KCNH2: variants seen among roughly 807,000 people sequenced by gnomAD.
The protein encoded by KCNH2 is voltage-gated inwardly rectifying potassium channel KCNH2.
Under a neutral mutation model 95.9 loss-of-function variants are expected in KCNH2, and 35 were observed. That is an observed-to-expected ratio of 0.37 (90% CI 0.28 to 0.48). The LOEUF (loss-of-function observed/expected upper bound fraction) is 0.48, where lower values mean the gene tolerates loss of function less well. Ranked by LOEUF, KCNH2 falls within the 20% of genes least tolerant of loss-of-function variation. KCNH2 has a pLI of 0.99. For synonymous variants in KCNH2, 786 were observed against 754.7 expected, an observed-to-expected ratio of 1.04 and a Z score of -0.68; for missense variants, 1,274 against 1,702.9, an observed-to-expected ratio of 0.75 and a Z score of 4.43.
intron 1 of KCNH2, among the ~76,000 whole-genome samples, chr7:150,976,600 G>C (rs1801985436): frequency 6.6e-6 from 1 of 152,100 alleles, no homozygotes; most frequent in Non-Finnish European, 1.5e-5. Flanking sequence ...CCTTCACTGA[G>C]ATCCTGGAAT....
At chr7:150,974,627 A>AAC in intron 2 of KCNH2, 84 bp downstream of exon 2, 1 of 346,194 alleles carries the variant, frequency 2.9e-6, no homozygotes. Flanking sequence ...ACACCCCCAC[A>AAC]CCCCCACGCA....
At chr7:150,964,137 G>T (rs982486989) in intron 2 of KCNH2, among the ~76,000 whole-genome samples, 1 of 152,192 alleles carries the variant, frequency 6.6e-6, no homozygotes, top group African/African-American at 2.4e-5. Context: ...TATCTCCCAT[G>T]TCAGCACCAG....
chr7:150,954,645 C>A (rs1177873649), intron 5 of KCNH2, among the ~76,000 whole-genome samples: 1 of 152,220 alleles, frequency 6.6e-6, no homozygotes. Flanking sequence ...CTGTACCTGT[C>A]CCCCAGCTGG....
intron 2 of KCNH2, among the ~76,000 whole-genome samples, chr7:150,969,819 T>C (rs766968132): frequency 6.6e-6 from 1 of 152,072 alleles, no homozygotes; most frequent in Admixed American, 6.6e-5. Flanking sequence ...TCCCAAGGTG[T>C]TTCTCATCCT....
intron 1 of KCNH2, among the ~76,000 whole-genome samples, chr7:150,976,909 A>G (rs1236995799): frequency 6.7e-6 from 1 of 149,948 alleles, no homozygotes; most frequent in Non-Finnish European, 1.5e-5. Flanking sequence ...TCCCCCAACC[A>G]CCGTTACAAG....
At chr7:150,966,470 G>C (rs1698800391) in intron 2 of KCNH2, among the ~76,000 whole-genome samples, 1 of 138,606 alleles carries the variant, frequency 7.2e-6, no homozygotes, top group Non-Finnish European at 1.5e-5. Flanking sequence ...CAGAAAGTCA[G>C]GTGGAACATT....
At chr7:150,964,813 G>C (rs1372062780) in intron 2 of KCNH2, among the ~76,000 whole-genome samples, 1 of 152,212 alleles carries the variant, frequency 6.6e-6, no homozygotes, top group Non-Finnish European at 1.5e-5. Context: ...GGCTGTCTCC[G>C]GAGCAGCAGC....
At chr7:150,965,664 C>T (rs1801684015) in intron 2 of KCNH2, among the ~76,000 whole-genome samples, 1 of 152,162 alleles carries the variant, frequency 6.6e-6, no homozygotes, top group Non-Finnish European at 1.5e-5. Context: ...GTCTGACCCA[C>T]ATGGACGCTG....
At chr7:150,951,870 G>A in intron 6 of KCNH2, 35 bp from the exon 7 acceptor site, 1 of 1,524,524 alleles carries the variant, frequency 6.6e-7, no homozygotes, top group Non-Finnish European at 8.8e-7. Context: ...TCCGTTGATG[G>A]GGCAAGGGGG....
chr7:150,969,437 C>T (rs935345272), intron 2 of KCNH2, among the ~76,000 whole-genome samples: 2 of 142,682 alleles, frequency 1.4e-5, no homozygotes, highest in African/African-American at 5.4e-5. Flanking sequence ...TGTCCCCCCA[C>T]CCCATCCTCC....
Position 150,947,611 on chromosome 7 carries a change from A to T in KCNH2, c.2960T>A (p.Leu987Gln). The change falls in exon 12 of 15, where the codon CTG becomes CAG. Residue 987 changes from leucine (L) to glutamine (Q), a missense_variant. Transcript: ENST00000262186. ...CCGCCCGTCGCCCGGGATACCTGAC[A>T]GGGGGTTGCAAGTGTCGCTGCTCTT... ...CEKSSDTCNP[L>Q]SGAFSGVSNI... 1 of 1,612,666 alleles carries T rather than the reference A, an allele frequency of 6.2e-7. No individual in the cohort carries two copies. Among genetic ancestry groups the T allele is most frequent in the Non-Finnish European group, 8.5e-7 (1 of 1,179,548 alleles).
At chr7:150,950,849 G>A in intron 8 of KCNH2, 72 bp downstream of exon 8, 1 of 1,478,790 alleles carries the variant, frequency 6.8e-7, no homozygotes, top group South Asian at 1.1e-5. Context: ...TGTTTGCTGT[G>A]CCAAGAGGTT....
At position 150,974,810 on chromosome 7, in the gene KCNH2, G is replaced by A; in HGVS notation, c.208C>T (p.His70Tyr). Residue 70 changes from histidine to tyrosine, a missense_variant, in exon 2 of 15, where the codon CAC (histidine) becomes TAC (tyrosine). By Grantham distance (83) the His-to-Tyr change is moderately conservative. Transcript: ENST00000262186. ...GCGCGGCGCTGCGTGCGCGGCCCGT[G>A]CAGGAAGTCGCAGGTGCAGGGTCGC... is the stretch of plus-strand genomic sequence containing the variant. ...MQRPCTCDFL[H>Y]GPRTQRRAAA... is the part of the protein sequence containing the mutation. The A allele has an allele frequency of 2.5e-6, 4 of 1,605,458 alleles. No individual in the cohort carries two copies. Among genetic ancestry groups the A allele is most frequent in the South Asian group, 2.2e-5 (2 of 90,250 alleles).
intron 3 of KCNH2, among the ~76,000 whole-genome samples, chr7:150,959,245 G>A (rs1314157276): frequency 6.6e-6 from 1 of 152,174 alleles, no homozygotes; most frequent in South Asian, 2.1e-4. Flanking sequence ...CCCACCCTGG[G>A]CTGCTCAAGC....
chr7:150,958,692 C>T (rs1343472228), intron 3 of KCNH2, among the ~76,000 whole-genome samples, 190 bp from the exon 4 acceptor site: 2 of 152,200 alleles, frequency 1.3e-5, no homozygotes, highest in Non-Finnish European at 2.9e-5. Flanking sequence ...CATCATAAAC[C>T]GCCATATCTG....
intron 2 of KCNH2, among the ~76,000 whole-genome samples, chr7:150,965,789 CAGA>C (rs1801687528): frequency 2.0e-5 from 3 of 152,224 alleles, no homozygotes; most frequent in African/African-American, 7.2e-5. Context: ...CTGGCAGTTG[CAGA>C]AGAACTGAGG....
At chr7:150,967,402 G>A (rs910347145) in intron 2 of KCNH2, among the ~76,000 whole-genome samples, 9 of 152,162 alleles carry the variant, frequency 5.9e-5, no homozygotes, top group Non-Finnish European at 1.2e-4. Context: ...TAAGACATAC[G>A]GAAGGCTATA....
intron 4 of KCNH2, 83 bp downstream of exon 4, chr7:150,957,976 A>C: frequency 8.7e-7 from 1 of 1,145,552 alleles, no homozygotes; most frequent in Non-Finnish European, 1.1e-6. Flanking sequence ...TGAAAAGGTC[A>C]GAAGCCGAGG....
In KCNH2 at chr7:150,974,856, G is replaced by A; in HGVS notation, c.162C>T (p.Tyr54=). 1 of 1,611,052 alleles carries A rather than the reference G, an allele frequency of 6.2e-7. No individual in the cohort carries two copies. Among genetic ancestry groups the A allele is most frequent in the Non-Finnish European group, 8.5e-7 (1 of 1,178,976 alleles). The change falls in exon 2 of 15, where the codon TAC becomes TAT. Residue 54 remains tyrosine, a synonymous_variant. Coordinates refer to ENST00000262186, the MANE Select transcript of KCNH2 (RefSeq NM_000238.4). ...CNDGFCELCG[Y]SRAEVMQRPC... Reference sequence around the variant, plus strand: ...GTCGCTGCATCACCTCGGCCCGCGAGTAGCCGCACAGCTCGCAGAAGCCGT... The same window carrying A: ...GTCGCTGCATCACCTCGGCCCGCGAATAGCCGCACAGCTCGCAGAAGCCGT...
Sources: allele counts gnomAD v4.1 joint callset (sites outside exome capture counted in the v4.1 genomes callset), GRCh38; gene constraint gnomAD v4.1.1; transcripts MANE v1.5; gene names NCBI Gene and HGNC (gene_info 2026-07-23, HGNC 2026-07-21).